ITPRID2: variants seen among roughly 807,000 people sequenced by gnomAD.
ITPRID2 encodes protein ITPRID2.
ITPRID2 carries 60 observed loss-of-function variants against 124.3 expected under a neutral mutation model. That is an observed-to-expected ratio of 0.48 (90% CI 0.39 to 0.60). The LOEUF is 0.60. Ranked by LOEUF, ITPRID2 falls within the 20% of genes least tolerant of loss-of-function variation. The pLI is 0.00. For synonymous variants in ITPRID2, 521 were observed against 542.9 expected (o/e 0.96, Z 0.56); for missense variants, 1,553 against 1,512.2 (o/e 1.03, Z -0.45).
chr2:181,916,910 C>A, intron 11 of ITPRID2: 2 of 995,122 alleles, frequency 2.0e-6, no homozygotes, highest in Non-Finnish European at 2.4e-6. Flanking sequence ...AAGCTTTCCC[C>A]TTCACCTACT....
At position 181,915,327 on chromosome 2, in the gene ITPRID2, T is replaced by C. The variant is rs1464597206; in HGVS notation, c.1687T>C (p.Tyr563His). The change falls in exon 11 of 18, where the codon TAT (tyrosine) becomes CAT (histidine). Residue 563 changes from tyrosine to histidine, a missense_variant. Coordinates refer to ENST00000431877, the MANE Select transcript of ITPRID2 (RefSeq NM_001130445.3). ...CACACCAACAGCACAAGACCAGCCT[T>C]ATTTTAATGAATCAGAGGAGGAGTC... Reference protein sequence around the residue: ...LATPTAQDQPYFNESEEESLV... With the variant: ...LATPTAQDQPHFNESEEESLV... The C allele has an allele frequency of 2.5e-6, 4 of 1,614,062 alleles. No homozygotes were observed. In the East Asian group the frequency reaches 8.9e-5, roughly 36 times the overall value.
At position 181,907,449 on chromosome 2, in the gene ITPRID2, T is replaced by TG. The variant is rs1434193666; in HGVS notation, c.1414-2450_1414-2449insG. On this transcript the variant is annotated intron_variant, in intron 8 of 17. Transcript: ENST00000431877. The surrounding 1 kb of genome is among the most constrained non-coding windows in gnomAD (Gnocchi z 5.1). ...ATTTTATCACTTTGGTTTAGTGGTT[T>TG]TTTTTTTTTTTTATATTATGAAACA... Among the ~76,000 whole-genome samples, 4 of 142,998 alleles carry TG rather than the reference T, an allele frequency of 2.8e-5. No individual in the cohort carries two copies. The East Asian group carries it at 7.8e-4, about 28-fold the overall frequency. The allele number at this position is 142,998 out of a possible 152,430, so 93.8% of individuals were successfully genotyped here.
At chr2:181,926,606 A>G (rs900096555) in intron 16 of ITPRID2, among the ~76,000 whole-genome samples, 1 of 151,432 alleles carries the variant, frequency 6.6e-6, no homozygotes, top group South Asian at 2.1e-4. Context: ...CCAGCTACTC[A>G]GGAGGCTGAA....
chr2:181,922,057 C>T lies in ITPRID2; in HGVS notation c.3320C>T (p.Ser1107Phe), dbSNP rs1488140918. The change falls in exon 16 of 18, where the codon TCC (serine) becomes TTC (phenylalanine). Residue 1107 changes from serine to phenylalanine, a missense_variant. Transcript: ENST00000431877. ...GGAGAAAGCTCAGAATCTGTTTTTTCCCAAGCAACATCAGAATCATCTTCT... is the reference window on the plus strand; with the variant it reads ...GGAGAAAGCTCAGAATCTGTTTTTTTCCAAGCAACATCAGAATCATCTTCT... ...PPGESSESVF[S>F]QATSESSSVC... The T allele has an allele frequency of 3.1e-6, 5 of 1,614,060 alleles. No homozygotes were observed. The highest frequency in any genetic ancestry group is 4.2e-6 in the Non-Finnish European group (5 of 1,180,042).
At chr2:181,908,048 G>A (rs559106284) in intron 8 of ITPRID2, among the ~76,000 whole-genome samples, 44 of 152,232 alleles carry the variant, frequency 2.9e-4, no homozygotes, top group Admixed American at 1.3e-3. Context: ...ATAAGTCTAA[G>A]GAAATAGAAT....
rs112156648 is a variant in ITPRID2 at position 181,905,300 on chromosome 2, C to T, written c.1413+2834C>T. On this transcript the variant is annotated intron_variant, in intron 8 of 17. Transcript: ENST00000431877. The surrounding 1 kb of genome is among the most constrained non-coding windows in gnomAD (Gnocchi z 4.1). ...TCCTGACCTCGTGATCTGACCACCT[C>T]GGCCTCCCAAAATGCTGGGATTACA... is the stretch of plus-strand genomic sequence containing the variant. Among the ~76,000 whole-genome samples, 102 of 152,140 alleles carry T rather than the reference C, an allele frequency of 6.7e-4. No individual in the cohort carries two copies. Among genetic ancestry groups the T allele is most frequent in the African/African-American group, 2.2e-3 (92 of 41,514 alleles).
chr2:181,926,571 G>A (rs982954535), intron 16 of ITPRID2, among the ~76,000 whole-genome samples: 4 of 151,878 alleles, frequency 2.6e-5, no homozygotes, highest in African/African-American at 9.7e-5. Flanking sequence ...AAATTAGCCG[G>A]GCGTGGTGGC....
Position 181,918,676 on chromosome 2 carries a change from G to GT in ITPRID2, c.2865+2dup. The GT allele has an allele frequency of 6.2e-7, 1 of 1,614,008 alleles. No individual in the cohort carries two copies. Among genetic ancestry groups the GT allele is most frequent in the Non-Finnish European group, 8.5e-7 (1 of 1,179,950 alleles). ...ATCATCTGTTCTACCTCTTTATGAA[G>GT]TAAGTTCTTTCTTACATCTTTGTGT... is the stretch of plus-strand genomic sequence containing the variant. On this transcript the variant is annotated splice_donor_variant, in intron 12 of 17. Transcript: ENST00000431877. LOFTEE classifies it high-confidence loss of function.
chr2:181,891,889 T>A lies in ITPRID2; in HGVS notation c.-178T>A. ...AAGCGCCGGCCCTCCGCCCCTTCCC[T>A]CCCCTTCCTTCCCTCCCTCCCTCCC... On this transcript the variant is annotated 5_prime_UTR_variant, in exon 1 of 18. Transcript: ENST00000431877. The A allele has an allele frequency of 3.4e-5, 11 of 326,870 alleles. No homozygotes were observed. The highest frequency in any genetic ancestry group is 2.0e-4 in the East Asian group (2 of 9,864). The allele number at this position is 326,870 out of a possible 1,614,324, so 20.2% of individuals were successfully genotyped here. A position where few individuals can be genotyped will look rare whatever the true frequency, so the allele number is the denominator to read the frequency against.
rs777193719 is a variant in ITPRID2 at position 181,899,080 on chromosome 2, T to C, written c.471T>C (p.Thr157=). The C allele has an allele frequency of 1.6e-5, 25 of 1,610,356 alleles. No individual in the cohort carries two copies. Among genetic ancestry groups the C allele is most frequent in the Non-Finnish European group, 2.0e-5 (23 of 1,178,906 alleles). ...FHQKGRSMNS[T]GSGKSSGTVS... Reference sequence around the variant, plus strand: ...AGAAAGGGAGAAGTATGAATTCCACTGGATCTGGGAAAAGTAGTGGGACAG... The same window carrying C: ...AGAAAGGGAGAAGTATGAATTCCACCGGATCTGGGAAAAGTAGTGGGACAG... Residue 157 remains threonine (T), a synonymous_variant, in exon 6 of 18, where the codon ACT becomes ACC. Transcript: ENST00000431877.
Position 181,892,898 on chromosome 2 carries a change from G to A in ITPRID2, c.257+238G>A. On this transcript the variant is annotated intron_variant, in intron 2 of 17. Transcript: ENST00000431877. The surrounding 1 kb of genome is among the most constrained non-coding windows in gnomAD (Gnocchi z 5.2). ...AGGACTTGAGCTACTCACGCATCGT[G>A]TTAGCATCAGAGATCAGAAATCCAG... 1 of 584,046 alleles carries A rather than the reference G, an allele frequency of 1.7e-6. No individual in the cohort carries two copies. The allele number at this position is 584,046 out of a possible 1,614,324, so 36.2% of individuals were successfully genotyped here. A position where few individuals can be genotyped will look rare whatever the true frequency, so the allele number is the denominator to read the frequency against.
At chr2:181,899,505 A>G (rs1692484096) in intron 6 of ITPRID2, among the ~76,000 whole-genome samples, 1 of 152,220 alleles carries the variant, frequency 6.6e-6, no homozygotes, top group Non-Finnish European at 1.5e-5. Flanking sequence ...ATATTTAAGC[A>G]TACTTTTTTT....
chr2:181,900,497 A>G (rs1044195123), intron 6 of ITPRID2, among the ~76,000 whole-genome samples, 199 bp from the exon 7 acceptor site: 1 of 152,180 alleles, frequency 6.6e-6, no homozygotes, highest in Non-Finnish European at 1.5e-5. Flanking sequence ...ACTTGAGACA[A>G]TGAACCCTTT....
At chr2:181,912,926 G>GT (rs1355402878) in intron 9 of ITPRID2, among the ~76,000 whole-genome samples, 1 of 152,002 alleles carries the variant, frequency 6.6e-6, no homozygotes, top group Non-Finnish European at 1.5e-5. Context: ...AACCTATTTG[G>GT]TTGAGTTTTA....
rs1694349906 is a variant in ITPRID2 at position 181,919,804 on chromosome 2, T to G, written c.3144+358T>G. On this transcript the variant is annotated intron_variant, in intron 14 of 17. Coordinates refer to ENST00000431877, the MANE Select transcript of ITPRID2 (RefSeq NM_001130445.3). The surrounding 1 kb of genome is among the most constrained non-coding windows in gnomAD (Gnocchi z 4.2). ...CAGAGAACACAGATGCATATTTTGC[T>G]GTTTTTTTTTCTTTCATGCCTTTAA... 1.3e-5 allele frequency among the ~76,000 whole-genome samples: 2 copies of G among 152,030 alleles called. No homozygotes were observed. Among genetic ancestry groups the G allele is most frequent in the South Asian group, 4.1e-4 (2 of 4,824 alleles).
intron 16 of ITPRID2, among the ~76,000 whole-genome samples, 159 bp from the exon 17 acceptor site, chr2:181,928,002 T>C (rs1694989619): frequency 6.6e-6 from 1 of 152,206 alleles, no homozygotes; most frequent in East Asian, 1.9e-4. Context: ...GGTTGGATGA[T>C]AGATGGACTC....
At chr2:181,927,919 C>T (rs1694982277) in intron 16 of ITPRID2, among the ~76,000 whole-genome samples, 1 of 152,144 alleles carries the variant, frequency 6.6e-6, no homozygotes, top group Non-Finnish European at 1.5e-5. Flanking sequence ...CTAATGTCCT[C>T]ACCTTATGAA....
chr2:181,914,886 C>T, intron 10 of ITPRID2, among the ~76,000 whole-genome samples: 1 of 151,982 alleles, frequency 6.6e-6, no homozygotes, highest in East Asian at 1.9e-4. Context: ...GGGAGAGATA[C>T]AAGGAAGTTT....
At position 181,929,824 on chromosome 2, in the gene ITPRID2, C is replaced by A; in HGVS notation, c.*277C>A. On this transcript the variant is annotated 3_prime_UTR_variant, in exon 18 of 18. Transcript: ENST00000431877. ...GTATGTCAGTATTTTTCATTTGATTCCCTATTAGAATTAATTTTAAAACTT... is the reference window on the plus strand; with the variant it reads ...GTATGTCAGTATTTTTCATTTGATTACCTATTAGAATTAATTTTAAAACTT... 2.3e-6 allele frequency: 1 copy of A among 427,712 alleles called. No individual in the cohort carries two copies. Among genetic ancestry groups the A allele is most frequent in the Non-Finnish European group, 4.1e-6 (1 of 241,120 alleles). The allele number at this position is 427,712 out of a possible 1,614,324, so 26.5% of individuals were successfully genotyped here. A position where few individuals can be genotyped will look rare whatever the true frequency, so the allele number is the denominator to read the frequency against.
Sources: gnomAD v4.1 joint callset for allele counts (sites outside exome capture counted in the v4.1 genomes callset) on GRCh38, gnomAD v4.1.1 for gene constraint, Gnocchi (gnomAD v3.1) non-coding constraint, MANE v1.5 for transcripts, NCBI Gene and HGNC (gene_info 2026-07-23, HGNC 2026-07-21) for gene names.